The following CYP46A1 variants were observed in gnomAD, a reference collection of about 807,000 sequenced individuals.
CYP46A1 encodes the protein cholesterol 24-hydroxylase.
Under a neutral mutation model 63.3 loss-of-function variants are expected in CYP46A1, and 20 were observed. The observed-to-expected ratio is 0.32, with a 90% confidence interval of 0.22 to 0.46. CYP46A1 has a LOEUF of 0.46. Ranked by LOEUF, CYP46A1 falls within the 20% of genes least tolerant of loss-of-function variation. CYP46A1 has a pLI of 1.00. For missense variants in CYP46A1, 445 were observed against 670.8 expected (o/e 0.66, Z 3.72); for synonymous variants, 268 against 273.6 (o/e 0.98, Z 0.20).
At chr14:99,703,018 T>C (rs972367069) in intron 5 of CYP46A1, among the ~76,000 whole-genome samples, 12 of 152,204 alleles carry the variant, frequency 7.9e-5, no homozygotes, top group African/African-American at 2.7e-4. Flanking sequence ...ACCTTAACAT[T>C]TTTGAAGATG....
intron 3 of CYP46A1, chr14:99,695,349 T>A: frequency 2.9e-6 from 1 of 343,598 alleles, no homozygotes; most frequent in Non-Finnish European, 5.7e-6. Context: ...CCTTTCTAAT[T>A]TTCTGTCTAC....
intron 1 of CYP46A1, chr14:99,684,802 A>C: frequency 1.8e-6 from 1 of 560,658 alleles, no homozygotes; most frequent in Non-Finnish European, 3.4e-6. Context: ...TTGTTAACCC[A>C]TCGTTCAGAC....
At chr14:99,716,305 G>GAT in intron 9 of CYP46A1, 106 bp downstream of exon 9, 1 of 1,195,322 alleles carries the variant, frequency 8.4e-7, no homozygotes, top group Non-Finnish European at 1.2e-6. Flanking sequence ...TATCTGAGCA[G>GAT]AGCTCACCGC....
chr14:99,697,640 A>G (rs986213740), intron 3 of CYP46A1, among the ~76,000 whole-genome samples: 3 of 152,192 alleles, frequency 2.0e-5, no homozygotes, highest in Admixed American at 1.3e-4. Context: ...CTGGTTGTTT[A>G]TGGCACAAGG....
At position 99,726,773 on chromosome 14, in the gene CYP46A1, C is replaced by T. The variant is rs777169519; in HGVS notation, c.*46C>T. On this transcript the variant is annotated 3_prime_UTR_variant, in exon 15 of 15. Transcript: ENST00000261835. ...AGACTCCTCGGGCAAGGGCCGTGCC[C>T]GCCCACCTCTGCTGCCCACGGCCAC... The T allele has an allele frequency of 2.4e-4, 337 of 1,423,274 alleles. 1 individual carries two copies. Among genetic ancestry groups the T allele is most frequent in the Admixed American group, 6.0e-4 (23 of 38,368 alleles). 88.2% of individuals were successfully genotyped at this position (1,423,274 alleles called of 1,614,324 possible).
At chr14:99,706,899 C>T in intron 6 of CYP46A1, 114 bp downstream of exon 6, 1 of 1,285,626 alleles carries the variant, frequency 7.8e-7, no homozygotes, top group South Asian at 1.5e-5. Flanking sequence ...AACATACCAG[C>T]AATTCCTCTG....
rs754400703 is a variant in CYP46A1, at chr14:99,700,108, G to A, written c.443+7G>A. The A allele has an allele frequency of 1.3e-6, 2 of 1,590,090 alleles. No homozygotes were observed. The highest frequency in any genetic ancestry group is 3.4e-5 in the Admixed American group (2 of 58,956). On this transcript the variant is annotated splice_region_variant and intron_variant, in intron 5 of 14. Coordinates refer to ENST00000261835, the MANE Select transcript of CYP46A1 (RefSeq NM_006668.2). ...ACCTGGCCTTCAGCCGGAGGTGAGT[G>A]TGGCCGGAGGCTCCGTGGCTCCTGC...
rs1340139403 is a variant in CYP46A1, at chr14:99,716,298, C to A, written c.907+99C>A. On this transcript the variant is annotated intron_variant, in intron 9 of 14. Coordinates refer to ENST00000261835, the MANE Select transcript of CYP46A1 (RefSeq NM_006668.2). ...AACTCTTTGGGATTTTTTGGGCTAT[C>A]TGAGCAGAGCTCACCGCAGGGCTAG... The A allele has an allele frequency of 2.3e-6, 3 of 1,277,676 alleles. No individual in the cohort carries two copies. In the African/African-American group the frequency reaches 4.4e-5, roughly 19 times the overall value. The allele number at this position is 1,277,676 out of a possible 1,614,324, so 79.1% of individuals were successfully genotyped here. A position where few individuals can be genotyped will look rare whatever the true frequency, so the allele number is the denominator to read the frequency against.
intron 1 of CYP46A1, 76 bp downstream of exon 1, chr14:99,684,612 C>T (rs954229804): frequency 1.4e-4 from 183 of 1,300,172 alleles, no homozygotes; most frequent in Middle Eastern, 2.7e-4. Flanking sequence ...AGCCGGCGTC[C>T]AGGCCGGGGG....
chr14:99,716,608 G>A (rs78482721), intron 9 of CYP46A1, among the ~76,000 whole-genome samples: 1 of 152,158 alleles, frequency 6.6e-6, no homozygotes, highest in Non-Finnish European at 1.5e-5. Flanking sequence ...GTGAGCCCTC[G>A]CATGCCTCCT....
At chr14:99,709,057 G>C (rs1049613824) in intron 7 of CYP46A1, 1 of 152,036 alleles carries the variant, frequency 6.6e-6, no homozygotes, top group African/African-American at 2.4e-5. Context: ...TGCCCCTATA[G>C]AAAAGTCTTT....
chr14:99,691,676 A>G, intron 2 of CYP46A1, 104 bp from the exon 3 acceptor site: 1 of 1,074,480 alleles, frequency 9.3e-7, no homozygotes, highest in Non-Finnish European at 1.4e-6. Flanking sequence ...GCATGCATTG[A>G]GCACCTTCTG....
Position 99,722,654 on chromosome 14 carries a change from TG to T in CYP46A1, c.1176+589del, listed in dbSNP as rs2140141807. 6.8e-6 allele frequency among the ~76,000 whole-genome samples: 1 copy of T among 147,214 alleles called. No individual in the cohort carries two copies. Among genetic ancestry groups the T allele is most frequent in the East Asian group, 1.9e-4 (1 of 5,164 alleles). ...TGTGTTTGCCATTCCCGTGTGTGTG[TG>T]TGTGTGTGTGTGTGTGTGTGTGTGC... On this transcript the variant is annotated intron_variant, in intron 12 of 14. Transcript: ENST00000261835. The surrounding 1 kb of genome is among the most constrained non-coding windows in gnomAD (Gnocchi z 4.6).
At chr14:99,691,366 C>A in intron 2 of CYP46A1, 1 of 608,832 alleles carries the variant, frequency 1.6e-6, no homozygotes, top group Admixed American at 2.9e-5. Flanking sequence ...GACCTTAGAC[C>A]AGCCGTCAGA....
rs115713528 is a variant in CYP46A1, at chr14:99,720,765, G to A, written c.981-474G>A. ...TTCCCAGTGGTTTGGGCACTGTTTT[G>A]GATGTGGCCATCGCTGGATCTCTTT... On this transcript the variant is annotated intron_variant, in intron 10 of 14. Coordinates refer to ENST00000261835, the MANE Select transcript of CYP46A1 (RefSeq NM_006668.2). 7.2e-3 allele frequency among the ~76,000 whole-genome samples: 1,092 copies of A among 152,206 alleles called. 13 individuals are homozygous for A. Among genetic ancestry groups the A allele is most frequent in the African/African-American group, 0.025 (1,042 of 41,522 alleles).
At chr14:99,688,936 A>C in intron 1 of CYP46A1, among the ~76,000 whole-genome samples, 1 of 149,664 alleles carries the variant, frequency 6.7e-6, no homozygotes. Flanking sequence ...TTCTCACCCA[A>C]CTCTCCTGGC....
chr14:99,685,610 G>C (rs2056487357), intron 1 of CYP46A1, among the ~76,000 whole-genome samples: 1 of 151,980 alleles, frequency 6.6e-6, no homozygotes. Flanking sequence ...ATAAATATTT[G>C]TTGAATGAAT....
chr14:99,726,227 C>T lies in CYP46A1; in HGVS notation c.1303C>T (p.Arg435Cys), dbSNP rs1443140135. ...CTACTTCCCCTTCTCCCTGGGCCAC[C>T]GCTCCTGCATCGGGCAGCAGTTTGC... ...FTYFPFSLGH[R>C]SCIGQQFAQM... is the part of the protein sequence containing the mutation. Residue 435 changes from arginine to cysteine, a missense_variant, in exon 14 of 15, where the codon CGC (arginine) becomes TGC (cysteine). By Grantham distance (180) the Arg-to-Cys change is radical. This residue lies in a region of CYP46A1 where 95 missense variants were observed against 156.9 expected (regional missense o/e 0.61). Transcript: ENST00000261835. The T allele has an allele frequency of 1.2e-6, 2 of 1,613,902 alleles. No homozygotes were observed. The highest frequency in any genetic ancestry group is 1.7e-6 in the Non-Finnish European group (2 of 1,179,994).
chr14:99,726,919 C>A lies in CYP46A1; in HGVS notation c.*192C>A. 2.1e-6 allele frequency: 1 copy of A among 466,150 alleles called. No homozygotes were observed. Among genetic ancestry groups the A allele is most frequent in the Non-Finnish European group, 3.7e-6 (1 of 268,776 alleles). The allele number at this position is 466,150 out of a possible 1,614,324, so 28.9% of individuals were successfully genotyped here. The stretch of plus-strand genomic sequence containing the variant: ...CCTGTCGCCTGCGGACTCCATGGCC[C>A]TTCCTGGACTGGCCCTTGCCCAACT... On this transcript the variant is annotated 3_prime_UTR_variant, in exon 15 of 15. Transcript: ENST00000261835.
Sources: allele counts gnomAD v4.1 joint callset (sites outside exome capture counted in the v4.1 genomes callset), GRCh38; gene constraint gnomAD v4.1.1; regional missense constraint gnomAD v4.1.1; non-coding constraint Gnocchi (gnomAD v3.1); transcripts MANE v1.5; gene names NCBI Gene and HGNC (gene_info 2026-07-23, HGNC 2026-07-21).